RSBN1: variants seen among roughly 807,000 people sequenced by gnomAD.
RSBN1 encodes round spermatid basic protein 1.
In RSBN1, 23 loss-of-function variants were observed where a neutral mutation model predicts 74.8. The observed-to-expected ratio is 0.31, with a 90% CI of 0.22 to 0.44. The LOEUF is 0.44. Among genes scored for constraint, RSBN1 ranks in the 20% least tolerant of loss-of-function variants. The pLI is 1.00. For synonymous variants in RSBN1, 407 were observed against 379.6 expected, an observed-to-expected ratio of 1.07 and a Z score of -0.84; for missense variants, 808 against 1,020.9, an observed-to-expected ratio of 0.79 and a Z score of 2.84.
chr1:113,808,952 T>C (rs1373547512), intron 1 of RSBN1, among the ~76,000 whole-genome samples: 1 of 152,206 alleles, frequency 6.6e-6, no homozygotes, highest in Non-Finnish European at 1.5e-5. Flanking sequence ...GGTGTTGATA[T>C]TATACAATAG....
chr1:113,808,557 T>C (rs961418811), intron 1 of RSBN1, among the ~76,000 whole-genome samples: 3 of 152,164 alleles, frequency 2.0e-5, no homozygotes, highest in African/African-American at 7.2e-5. Context: ...CTATCTATAA[T>C]AGCCAAAAAC....
chr1:113,800,088 T>A (rs1459729754), intron 1 of RSBN1, among the ~76,000 whole-genome samples: 1 of 152,142 alleles, frequency 6.6e-6, no homozygotes, highest in Non-Finnish European at 1.5e-5. Flanking sequence ...ATACTCCATA[T>A]AAAATCACTT....
At chr1:113,796,346 A>T (rs1292282202) in intron 2 of RSBN1, 1 of 152,134 alleles carries the variant, frequency 6.6e-6, no homozygotes, top group Non-Finnish European at 1.5e-5. Flanking sequence ...AAGCTCATAA[A>T]TCTAAACTGG....
intron 2 of RSBN1, among the ~76,000 whole-genome samples, chr1:113,782,113 T>C (rs1258124072): frequency 3.3e-5 from 5 of 152,184 alleles, no homozygotes; most frequent in Non-Finnish European, 7.4e-5. Context: ...TTCTCCACAT[T>C]TGCCACATTC....
At chr1:113,788,446 A>G (rs1660302089) in intron 2 of RSBN1, among the ~76,000 whole-genome samples, 2 of 152,114 alleles carry the variant, frequency 1.3e-5, no homozygotes, top group Non-Finnish European at 2.9e-5. Flanking sequence ...GAAATATTTC[A>G]TAGTAATTTT....
chr1:113,766,474 C>A, intron 6 of RSBN1, 21 bp from the exon 7 acceptor site: 1 of 1,466,482 alleles, frequency 6.8e-7, no homozygotes, highest in South Asian at 1.2e-5. Context: ...AAAAAAGTTA[C>A]GTGAGACTTT....
intron 2 of RSBN1, among the ~76,000 whole-genome samples, chr1:113,782,831 C>A (rs1422583633): frequency 6.6e-6 from 1 of 152,152 alleles, no homozygotes; most frequent in East Asian, 1.9e-4. Flanking sequence ...TTGTTAACAG[C>A]CAGAACTGGG....
At chr1:113,803,256 CATTTTGATTGCTTCCAAGT>C (rs1212233272) in intron 1 of RSBN1, among the ~76,000 whole-genome samples, 3 of 152,166 alleles carry the variant, frequency 2.0e-5, no homozygotes, top group Admixed American at 2.0e-4. Flanking sequence ...TACTGAAGGA[CATTTTGATTGCTTCCAAGT>C]TTTGGTAACT....
intron 1 of RSBN1, among the ~76,000 whole-genome samples, chr1:113,807,347 GCAAA>G (rs1452735898): frequency 6.8e-6 from 1 of 147,628 alleles, no homozygotes; most frequent in African/African-American, 2.5e-5. Flanking sequence ...ATAAAAACAA[GCAAA>G]CAAACAAAAA....
intron 6 of RSBN1, 103 bp from the exon 7 acceptor site, chr1:113,766,556 A>G: frequency 1.4e-6 from 1 of 697,224 alleles, no homozygotes. Context: ...GTGTCATAAC[A>G]ATAATCAAAT....
intron 1 of RSBN1, among the ~76,000 whole-genome samples, chr1:113,799,987 T>G (rs1233622607): frequency 6.6e-6 from 1 of 152,196 alleles, no homozygotes; most frequent in Admixed American, 6.5e-5. Context: ...ATATTCCAAT[T>G]AATCCTATTT....
chr1:113,809,780 C>A (rs972431241), intron 1 of RSBN1, among the ~76,000 whole-genome samples: 1 of 152,142 alleles, frequency 6.6e-6, no homozygotes, highest in African/African-American at 2.4e-5. Context: ...AGCCACTAGC[C>A]ATATGTGACT....
At chr1:113,805,889 G>C (rs947272389) in intron 1 of RSBN1, among the ~76,000 whole-genome samples, 5 of 152,176 alleles carry the variant, frequency 3.3e-5, no homozygotes, top group African/African-American at 1.2e-4. Flanking sequence ...TATGGTCTCT[G>C]TCTCAATTAC....
intron 1 of RSBN1, among the ~76,000 whole-genome samples, chr1:113,800,691 G>C (rs1472281340): frequency 6.6e-6 from 1 of 151,984 alleles, no homozygotes; most frequent in Non-Finnish European, 1.5e-5. Context: ...AGAAAGAACT[G>C]CGTTGATTGT....
chr1:113,810,806 G>C (rs923454203), intron 1 of RSBN1, among the ~76,000 whole-genome samples: 3 of 152,132 alleles, frequency 2.0e-5, no homozygotes, highest in Admixed American at 2.0e-4. Context: ...AATATATAAA[G>C]TACAAACATA....
intron 1 of RSBN1, among the ~76,000 whole-genome samples, chr1:113,806,473 T>C (rs1456584423): frequency 2.6e-5 from 4 of 151,704 alleles, no homozygotes; most frequent in Admixed American, 2.0e-4. Flanking sequence ...AGAAAAAAAA[T>C]GGCGACCTAA....
At chr1:113,768,732 T>C (rs1185687386) in intron 4 of RSBN1, among the ~76,000 whole-genome samples, 1 of 130,654 alleles carries the variant, frequency 7.7e-6, no homozygotes, top group Non-Finnish European at 1.6e-5. Flanking sequence ...AATATGCTAC[T>C]AGTGAGGCTG....
chr1:113,767,775 G>T (rs116403554), intron 5 of RSBN1, among the ~76,000 whole-genome samples: 154 of 152,298 alleles, frequency 1.0e-3, no homozygotes, highest in Middle Eastern at 6.8e-3. Context: ...TACATACAAT[G>T]AATTATTATT....
At chr1:113,782,522 G>C (rs189056670) in intron 2 of RSBN1, among the ~76,000 whole-genome samples, 1 of 152,278 alleles carries the variant, frequency 6.6e-6, no homozygotes, top group South Asian at 2.1e-4. Context: ...TTAAAATGAT[G>C]TAAGAATAAC....
Sources: gnomAD v4.1 joint callset for allele counts (sites outside exome capture counted in the v4.1 genomes callset) on GRCh38, gnomAD v4.1.1 for gene constraint, MANE v1.5 for transcripts, NCBI Gene and HGNC (gene_info 2026-07-23, HGNC 2026-07-21) for gene names.